Variants in FYN observed in about 807,000 individuals in gnomAD.
The protein encoded by FYN is FYN proto-oncogene, Src family tyrosine kinase.
A neutral mutation model predicts 70.2 loss-of-function variants in FYN; 10 were observed. That is an observed-to-expected ratio of 0.14 (90% CI 0.09 to 0.24). FYN has a LOEUF of 0.24. Ranked by LOEUF, FYN falls within the 10% of genes least tolerant of loss-of-function variation. The probability of loss-of-function intolerance (pLI) is 1.00; values close to 1 mark genes in which losing one functional copy is unlikely to be tolerated. For synonymous variants in FYN, 236 were observed against 248.6 expected (o/e 0.95, Z 0.48); for missense variants, 319 against 673.1 (o/e 0.47, Z 5.82).
intron 3 of FYN, among the ~76,000 whole-genome samples, chr6:111,722,659 G>C (rs975498079): frequency 6.6e-6 from 1 of 152,142 alleles, no homozygotes; most frequent in Non-Finnish European, 1.5e-5. Flanking sequence ...TCCCCTGCAA[G>C]AGACATATTG....
chr6:111,775,113 C>T (rs1803655105), intron 3 of FYN, among the ~76,000 whole-genome samples: 1 of 152,194 alleles, frequency 6.6e-6, no homozygotes, highest in Non-Finnish European at 1.5e-5. Context: ...TGGGGTGGGA[C>T]CAACCACCTG....
chr6:111,869,774 G>A, intron 1 of FYN, among the ~76,000 whole-genome samples: 1 of 152,184 alleles, frequency 6.6e-6, no homozygotes, highest in East Asian at 1.9e-4. Context: ...CAAGAAAGGT[G>A]CTTTTGGAGT....
At chr6:111,707,412 G>T (rs1466126794) in intron 6 of FYN, among the ~76,000 whole-genome samples, 1 of 152,204 alleles carries the variant, frequency 6.6e-6, no homozygotes, top group Non-Finnish European at 1.5e-5. Flanking sequence ...AATCACTGTA[G>T]TATTTCCCAA....
intron 5 of FYN, among the ~76,000 whole-genome samples, chr6:111,710,636 T>G (rs1800327803): frequency 6.6e-6 from 1 of 152,206 alleles, no homozygotes; most frequent in African/African-American, 2.4e-5. Flanking sequence ...ATGTTTATTA[T>G]GTAGTAAACC....
intron 2 of FYN, among the ~76,000 whole-genome samples, chr6:111,808,229 T>C (rs1562528939): frequency 1.3e-5 from 2 of 152,146 alleles, no homozygotes; most frequent in East Asian, 3.8e-4. Context: ...ACACTCTCTA[T>C]CAATCAGGGT....
Position 111,745,967 on chromosome 6 carries a change from T to C in FYN, c.-11-25905A>G, listed in dbSNP as rs1441639566. On this transcript the variant is annotated intron_variant, in intron 3 of 13. Transcript: ENST00000354650. ...CTCCTGGGAAAAGGAAGGCACTGTA[T>C]GTTTCTCAAATGTGGGTGACCACTG... is the stretch of plus-strand genomic sequence containing the variant. 2.6e-5 allele frequency among the ~76,000 whole-genome samples: 4 copies of C among 152,332 alleles called. No individual in the cohort carries two copies. The East Asian group carries it at 7.7e-4, about 29-fold the overall frequency.
At chr6:111,712,003 A>T (rs1032181695) in intron 5 of FYN, among the ~76,000 whole-genome samples, 2 of 152,240 alleles carry the variant, frequency 1.3e-5, no homozygotes, top group Non-Finnish European at 2.9e-5. Context: ...AGGACTCCGT[A>T]AACATCAAAG....
At chr6:111,815,881 G>A (rs558171071) in intron 2 of FYN, among the ~76,000 whole-genome samples, 2 of 152,000 alleles carry the variant, frequency 1.3e-5, no homozygotes, top group South Asian at 2.1e-4. Context: ...TGTAGTTTTT[G>A]TAGAGACGGG....
chr6:111,812,858 T>C (rs775804443), intron 2 of FYN, among the ~76,000 whole-genome samples: 1 of 152,082 alleles, frequency 6.6e-6, no homozygotes, highest in Non-Finnish European at 1.5e-5. Context: ...AAGCATGAAA[T>C]TCTTTAGATA....
intron 3 of FYN, among the ~76,000 whole-genome samples, chr6:111,778,509 C>G (rs1264363775): frequency 6.6e-6 from 1 of 151,988 alleles, no homozygotes; most frequent in Non-Finnish European, 1.5e-5. Flanking sequence ...TTTCTTTCCT[C>G]CCTCCTCCCT....
At chr6:111,697,546 T>C (rs1385712550) in intron 9 of FYN, among the ~76,000 whole-genome samples, 1 of 152,156 alleles carries the variant, frequency 6.6e-6, no homozygotes, top group African/African-American at 2.4e-5. Flanking sequence ...CTACAAAATA[T>C]AAATTATGAA....
At chr6:111,746,848 G>C (rs1026060223) in intron 3 of FYN, among the ~76,000 whole-genome samples, 3 of 151,972 alleles carry the variant, frequency 2.0e-5, no homozygotes, top group Admixed American at 1.3e-4. Flanking sequence ...AGAAAGGAAG[G>C]GGGGAAGGAA....
At chr6:111,846,373 C>T (rs1049539624) in intron 2 of FYN, among the ~76,000 whole-genome samples, 1 of 152,150 alleles carries the variant, frequency 6.6e-6, no homozygotes, top group African/African-American at 2.4e-5. Context: ...AGTGTTACAA[C>T]TAAGGGAAGG....
rs558056102 is a variant in FYN, at chr6:111,828,379, C to A, written c.-82+18210G>T. 3.9e-5 allele frequency among the ~76,000 whole-genome samples: 6 copies of A among 152,146 alleles called. No individual in the cohort carries two copies. In the South Asian group the frequency reaches 1.2e-3, roughly 32 times the overall value. On this transcript the variant is annotated intron_variant, in intron 2 of 13. Transcript: ENST00000354650. The stretch of plus-strand genomic sequence containing the variant: ...CCTTAAAAAATTAAAAATAAAATTA[C>A]CATAGGATCCAGCAATTCTACTTCT...
intron 13 of FYN, 42 bp downstream of exon 13, chr6:111,674,456 AG>A: frequency 6.4e-7 from 1 of 1,566,976 alleles, no homozygotes; most frequent in Non-Finnish European, 8.7e-7. Context: ...GTGTCAAAAA[AG>A]CCTCCAATCT....
chr6:111,674,440 C>A, intron 13 of FYN, 59 bp downstream of exon 13: 1 of 1,548,132 alleles, frequency 6.5e-7, no homozygotes, highest in South Asian at 1.2e-5. Context: ...GAAGTTTTCC[C>A]AAATGGTGTC....
At chr6:111,797,664 TCATATATATATATATA>T (rs1399468617) in intron 2 of FYN, among the ~76,000 whole-genome samples, 1 of 74,216 alleles carries the variant, frequency 1.3e-5, no homozygotes, top group Non-Finnish European at 2.8e-5. Flanking sequence ...AATCAAAGTT[TCATATATATATATATA>T]TATATATATA....
At chr6:111,786,825 G>A (rs998266084) in intron 2 of FYN, among the ~76,000 whole-genome samples, 1 of 152,090 alleles carries the variant, frequency 6.6e-6, no homozygotes, top group African/African-American at 2.4e-5. Flanking sequence ...GTGATGATGA[G>A]CATTTTTTCA....
chr6:111,763,179 G>C (rs1803078661), intron 3 of FYN, among the ~76,000 whole-genome samples: 2 of 152,164 alleles, frequency 1.3e-5, no homozygotes, highest in African/African-American at 4.8e-5. Flanking sequence ...GAGATGTCCA[G>C]CCTTGCTAGC....
Sources: gnomAD v4.1 joint callset for allele counts (sites outside exome capture counted in the v4.1 genomes callset) on GRCh38, gnomAD v4.1.1 for gene constraint, MANE v1.5 for transcripts, NCBI Gene and HGNC (gene_info 2026-07-23, HGNC 2026-07-21) for gene names.